The following FSIP1 variants were observed in gnomAD, a reference collection of about 807,000 sequenced individuals.
The protein encoded by FSIP1 is fibrous sheath-interacting protein 1.
Under a neutral mutation model 60.9 loss-of-function variants are expected in FSIP1, and 65 were observed. That is an observed-to-expected ratio of 1.07 (90% CI 0.87 to 1.31). FSIP1 has a LOEUF of 1.31. Ranked by LOEUF, FSIP1 falls within the 40% of genes most tolerant of loss-of-function variation. FSIP1 has a pLI of 0.00. For missense variants in FSIP1, 675 were observed against 665.5 expected (o/e 1.01, Z -0.16); for synonymous variants, 209 against 221.2 (o/e 0.94, Z 0.49).
At chr15:39,615,670 G>A (rs1369803117) in intron 11 of FSIP1, among the ~76,000 whole-genome samples, 2 of 149,334 alleles carry the variant, frequency 1.3e-5, no homozygotes, top group African/African-American at 5.0e-5. Flanking sequence ...GGCAGATCAA[G>A]AGGTGAGATC....
At chr15:39,697,677 TTAGA>T (rs760387028) in intron 10 of FSIP1, among the ~76,000 whole-genome samples, 1 of 152,228 alleles carries the variant, frequency 6.6e-6, no homozygotes, top group African/African-American at 2.4e-5. Context: ...TTCCATCATT[TTAGA>T]TAGACATTGT....
At chr15:39,700,819 C>T (rs1415508334) in intron 10 of FSIP1, among the ~76,000 whole-genome samples, 2 of 152,172 alleles carry the variant, frequency 1.3e-5, no homozygotes, top group Non-Finnish European at 2.9e-5. Context: ...AAAATTGGGA[C>T]ACAGAATCTT....
intron 4 of FSIP1, among the ~76,000 whole-genome samples, chr15:39,765,131 A>G (rs2072948162): frequency 6.6e-6 from 1 of 152,042 alleles, no homozygotes; most frequent in African/African-American, 2.4e-5. Flanking sequence ...TCCTTCATAT[A>G]CACACATATA....
At chr15:39,640,258 T>C (rs1311489627) in intron 10 of FSIP1, among the ~76,000 whole-genome samples, 2 of 152,228 alleles carry the variant, frequency 1.3e-5, no homozygotes, top group Non-Finnish European at 2.9e-5. Context: ...TTATCCATTG[T>C]TCATGACACC....
chr15:39,701,416 C>G (rs1053991619), intron 10 of FSIP1, among the ~76,000 whole-genome samples: 54 of 152,150 alleles, frequency 3.5e-4, no homozygotes, highest in African/African-American at 1.3e-3. Context: ...TGCCCCAGGT[C>G]TCAGAGGCTA....
At chr15:39,670,881 T>C (rs1211592675) in intron 10 of FSIP1, among the ~76,000 whole-genome samples, 1 of 152,236 alleles carries the variant, frequency 6.6e-6, no homozygotes. Context: ...AGAAGTATGA[T>C]ACTATTTTTC....
intron 6 of FSIP1, 28 bp downstream of exon 6, chr15:39,741,777 G>T: frequency 9.1e-7 from 1 of 1,098,648 alleles, no homozygotes; most frequent in Non-Finnish European, 1.4e-6. Context: ...TTGTGAAAAT[G>T]TGTATAATCA....
intron 3 of FSIP1, among the ~76,000 whole-genome samples, chr15:39,769,202 C>A (rs1897796078): frequency 6.6e-6 from 1 of 151,130 alleles, no homozygotes; most frequent in Non-Finnish European, 1.5e-5. Flanking sequence ...TGGCGTGAAC[C>A]CGGGAGGCAG....
At chr15:39,776,197 A>AGAGGGAGGGAGGGAGG (rs367626075) in intron 2 of FSIP1, among the ~76,000 whole-genome samples, 3 of 30,672 alleles carry the variant, frequency 9.8e-5, no homozygotes, top group African/African-American at 1.7e-4. Flanking sequence ...GGGAGGAGAG[A>AGAGGGAGGGAGGGAGG]GAGGGAGGGA....
chr15:39,727,491 G>T (rs1243005290), intron 8 of FSIP1, among the ~76,000 whole-genome samples: 1 of 152,210 alleles, frequency 6.6e-6, no homozygotes, highest in African/African-American at 2.4e-5. Flanking sequence ...CCATGATCAG[G>T]TCTGTATTTT....
intron 3 of FSIP1, among the ~76,000 whole-genome samples, chr15:39,768,141 G>A (rs965218737): frequency 2.0e-5 from 3 of 152,184 alleles, no homozygotes; most frequent in Non-Finnish European, 4.4e-5. Context: ...CCCTCTAGGG[G>A]TTTGAGCAGG....
rs1032464299 is a variant in FSIP1 at position 39,735,341 on chromosome 15, T to A, written c.891+2750A>T. ...CTATTGCTCCTAGGCTATAAACCTGTACAGTATGTTTTGTAGTTACTGTGT... is the reference window on the plus strand; with the variant it reads ...CTATTGCTCCTAGGCTATAAACCTGAACAGTATGTTTTGTAGTTACTGTGT... On this transcript the variant is annotated intron_variant, in intron 8 of 11. Transcript: ENST00000350221. 1.1e-4 allele frequency among the ~76,000 whole-genome samples: 16 copies of A among 152,248 alleles called. 1 individual carries two copies. The highest frequency in any genetic ancestry group is 3.6e-4 in the African/African-American group (15 of 41,464).
chr15:39,763,996 C>A, intron 4 of FSIP1, 82 bp from the exon 5 acceptor site: 2 of 746,862 alleles, frequency 2.7e-6, no homozygotes, highest in Non-Finnish European at 4.7e-6. Context: ...AACACGGCTC[C>A]CAATCACATA....
intron 8 of FSIP1, among the ~76,000 whole-genome samples, chr15:39,729,822 G>T (rs990613943): frequency 6.6e-6 from 1 of 152,150 alleles, no homozygotes; most frequent in Non-Finnish European, 1.5e-5. Flanking sequence ...TCACTTATAA[G>T]TGGGAGCTAA....
chr15:39,692,491 C>T (rs1894642728), intron 10 of FSIP1, among the ~76,000 whole-genome samples: 1 of 152,128 alleles, frequency 6.6e-6, no homozygotes, highest in Non-Finnish European at 1.5e-5. Context: ...AAAAAAATAA[C>T]ACATCATCCA....
intron 10 of FSIP1, among the ~76,000 whole-genome samples, chr15:39,665,452 T>A (rs970668801): frequency 1.3e-5 from 2 of 152,220 alleles, no homozygotes; most frequent in Non-Finnish European, 2.9e-5. Flanking sequence ...AATATTACTT[T>A]TCTTTACTTG....
At chr15:39,733,536 T>C (rs1468140727) in intron 8 of FSIP1, among the ~76,000 whole-genome samples, 2 of 152,234 alleles carry the variant, frequency 1.3e-5, no homozygotes, top group Admixed American at 1.3e-4. Flanking sequence ...CACTGTCTAC[T>C]GACTGACATG....
At chr15:39,766,265 G>A (rs1217672714) in intron 3 of FSIP1, among the ~76,000 whole-genome samples, 1 of 152,182 alleles carries the variant, frequency 6.6e-6, no homozygotes, top group Non-Finnish European at 1.5e-5. Context: ...ACTCTATGTA[G>A]CTTGTATCTT....
At chr15:39,712,008 A>C (rs116630913) in intron 10 of FSIP1, among the ~76,000 whole-genome samples, 2,288 of 152,172 alleles carry the variant, frequency 0.015, 57 homozygotes, top group African/African-American at 0.052. Flanking sequence ...CTTCTACTTC[A>C]TCCCATCAAC....
Sources: allele counts gnomAD v4.1 joint callset (sites outside exome capture counted in the v4.1 genomes callset), GRCh38; gene constraint gnomAD v4.1.1; transcripts MANE v1.5; gene names NCBI Gene and HGNC (gene_info 2026-07-23, HGNC 2026-07-21).